Variants in PCDH9 observed in about 807,000 individuals in gnomAD.
PCDH9 encodes protocadherin 9.
A neutral mutation model predicts 70.6 loss-of-function variants in PCDH9; 24 were observed. The observed-to-expected ratio is 0.34, with a 90% CI of 0.25 to 0.48. PCDH9 has a LOEUF of 0.48. Among genes scored for constraint, PCDH9 ranks in the 20% least tolerant of loss-of-function variants. The probability of loss-of-function intolerance (pLI) is 0.99; values close to 1 mark genes in which losing one functional copy is unlikely to be tolerated. For synonymous variants in PCDH9, 562 were observed against 558.5 expected, an observed-to-expected ratio of 1.01 and a Z score of -0.09; for missense variants, 1,281 against 1,503.6, an observed-to-expected ratio of 0.85 and a Z score of 2.45.
chr13:66,778,753 T>C (rs2079943022), intron 3 of PCDH9, among the ~76,000 whole-genome samples: 1 of 152,216 alleles, frequency 6.6e-6, no homozygotes, highest in African/African-American at 2.4e-5. Flanking sequence ...TTAAATGCTA[T>C]GTCCTGATTC....
intron 2 of PCDH9, among the ~76,000 whole-genome samples, chr13:66,963,827 CTTGT>C (rs2083388617): frequency 2.0e-5 from 3 of 152,210 alleles, no homozygotes; most frequent in African/African-American, 7.2e-5. Context: ...AGCAGAGAAA[CTTGT>C]TTGTTTCTGA....
intron 4 of PCDH9, among the ~76,000 whole-genome samples, chr13:66,490,451 A>C (rs1413973113): frequency 6.6e-6 from 1 of 152,200 alleles, no homozygotes; most frequent in Non-Finnish European, 1.5e-5. Context: ...GTGGACCTTA[A>C]AAACAGATAA....
intron 2 of PCDH9, among the ~76,000 whole-genome samples, chr13:67,101,402 G>A (rs2086431446): frequency 1.3e-5 from 2 of 152,216 alleles, no homozygotes; most frequent in South Asian, 4.1e-4. Context: ...GAGATCCAAT[G>A]TAATAGGGTG....
intron 2 of PCDH9, among the ~76,000 whole-genome samples, chr13:67,067,740 T>C (rs2085677989): frequency 7.3e-6 from 1 of 136,506 alleles, no homozygotes; most frequent in Non-Finnish European, 1.6e-5. Context: ...AGTAAAGAAT[T>C]TGGGGGGTTC....
chr13:66,712,285 A>G (rs2139132095), intron 3 of PCDH9, among the ~76,000 whole-genome samples: 1 of 152,286 alleles, frequency 6.6e-6, no homozygotes, highest in South Asian at 2.1e-4. Context: ...CATTGAATGA[A>G]AAAACGGTTA....
chr13:66,490,527 AT>A lies in PCDH9; in HGVS notation c.3340+140682del, dbSNP rs1959017536. On this transcript the variant is annotated intron_variant, in intron 4 of 4. Transcript: ENST00000377865. ...GTTCATGAGATTCAGCACAAGGTTT[AT>A]TTATTTTTTACATCTATTACCTCGA... 4.6e-5 allele frequency among the ~76,000 whole-genome samples: 7 copies of A among 151,762 alleles called. No individual in the cohort carries two copies. The South Asian group carries it at 1.5e-3, about 32-fold the overall frequency.
At chr13:66,438,632 C>T (rs1957920515) in intron 4 of PCDH9, among the ~76,000 whole-genome samples, 1 of 152,184 alleles carries the variant, frequency 6.6e-6, no homozygotes, top group African/African-American at 2.4e-5. Flanking sequence ...GCAACACACA[C>T]AAGTGTTATT....
At chr13:66,387,360 C>T (rs1274050838) in intron 4 of PCDH9, among the ~76,000 whole-genome samples, 1 of 152,020 alleles carries the variant, frequency 6.6e-6, no homozygotes, top group African/African-American at 2.4e-5. Context: ...AGTAGGTTTA[C>T]TCTCTGATAT....
chr13:66,545,182 G>A (rs1355452413), intron 4 of PCDH9, among the ~76,000 whole-genome samples: 1 of 152,016 alleles, frequency 6.6e-6, no homozygotes, highest in Non-Finnish European at 1.5e-5. Flanking sequence ...CATTAAGTTT[G>A]TTTTATTGGT....
chr13:66,909,533 G>C (rs533486606), intron 2 of PCDH9, among the ~76,000 whole-genome samples: 51 of 152,260 alleles, frequency 3.3e-4, no homozygotes, highest in Admixed American at 7.2e-4. Flanking sequence ...ACTTTGGGAG[G>C]CCCAGGCAGG....
At chr13:67,015,082 G>T (rs997087074) in intron 2 of PCDH9, among the ~76,000 whole-genome samples, 1 of 152,004 alleles carries the variant, frequency 6.6e-6, no homozygotes, top group Non-Finnish European at 1.5e-5. Context: ...TATTTGTAAC[G>T]ATTTTCTTCT....
chr13:67,006,539 C>A (rs1438876485), intron 2 of PCDH9, among the ~76,000 whole-genome samples: 1 of 152,180 alleles, frequency 6.6e-6, no homozygotes, highest in East Asian at 1.9e-4. Flanking sequence ...CGATTTTCTG[C>A]AGTCCCTTTC....
intron 4 of PCDH9, among the ~76,000 whole-genome samples, chr13:66,444,884 T>C (rs1319305791): frequency 6.6e-6 from 1 of 151,848 alleles, no homozygotes; most frequent in Non-Finnish European, 1.5e-5. Flanking sequence ...TTATGAGAAC[T>C]GGAGCCAAGA....
intron 4 of PCDH9, among the ~76,000 whole-genome samples, chr13:66,457,402 CA>C (rs1372561295): frequency 6.6e-6 from 1 of 151,986 alleles, no homozygotes; most frequent in Non-Finnish European, 1.5e-5. Flanking sequence ...TTTTTGAATA[CA>C]AGTAAATAGA....
intron 3 of PCDH9, among the ~76,000 whole-genome samples, chr13:66,786,030 T>C (rs2080074503): frequency 6.6e-6 from 1 of 152,170 alleles, no homozygotes; most frequent in South Asian, 2.1e-4. Flanking sequence ...TTCCATTATC[T>C]CATTTAATTT....
At chr13:66,562,251 C>T (rs1035234734) in intron 4 of PCDH9, among the ~76,000 whole-genome samples, 62 of 152,150 alleles carry the variant, frequency 4.1e-4, no homozygotes, top group Non-Finnish European at 1.5e-4. Context: ...CCACTGATGA[C>T]ATCATCACCC....
chr13:66,567,955 T>A (rs1406878328), intron 4 of PCDH9, among the ~76,000 whole-genome samples: 1 of 152,156 alleles, frequency 6.6e-6, no homozygotes, highest in Non-Finnish European at 1.5e-5. Context: ...CTGGTTTGCA[T>A]CCTAAGCCTA....
At chr13:66,330,197 T>C (rs1955918742) in intron 4 of PCDH9, among the ~76,000 whole-genome samples, 1 of 152,242 alleles carries the variant, frequency 6.6e-6, no homozygotes, top group African/African-American at 2.4e-5. Context: ...CTTCCTGTTT[T>C]TCTTTGCTCT....
chr13:66,593,183 G>A (rs974399481), intron 4 of PCDH9, among the ~76,000 whole-genome samples: 3 of 151,610 alleles, frequency 2.0e-5, no homozygotes, highest in Admixed American at 6.6e-5. Context: ...GTGCTTATAC[G>A]CATCCAATGT....
Sources: gnomAD v4.1 joint callset for allele counts (sites outside exome capture counted in the v4.1 genomes callset) on GRCh38, gnomAD v4.1.1 for gene constraint, MANE v1.5 for transcripts, NCBI Gene and HGNC (gene_info 2026-07-23, HGNC 2026-07-21) for gene names.